TRPM4: variants seen among roughly 807,000 people sequenced by gnomAD.
TRPM4 encodes transient receptor potential cation channel subfamily M member 4, also known as calcium-activated non-selective cation channel 1.
In TRPM4, 124 loss-of-function variants were observed where a neutral mutation model predicts 135.6. That is an observed-to-expected ratio of 0.91 (90% confidence interval 0.79 to 1.06). The LOEUF is 1.06. Ranked by LOEUF, TRPM4 falls within the 50% of genes least tolerant of loss-of-function variation. The pLI, the probability that TRPM4 is intolerant of heterozygous loss-of-function variation, is 0.00. For synonymous variants in TRPM4, 745 were observed against 705.6 expected (o/e 1.06, Z -0.88); for missense variants, 1,658 against 1,671.4 (o/e 0.99, Z 0.14).
At chr19:49,174,631 G>A (rs923360418) in intron 9 of TRPM4, among the ~76,000 whole-genome samples, 4 of 151,576 alleles carry the variant, frequency 2.6e-5, no homozygotes, top group African/African-American at 7.3e-5. Flanking sequence ...GGAGGGTGGC[G>A]CATACCTGTA....
intron 2 of TRPM4, among the ~76,000 whole-genome samples, chr19:49,162,160 C>G (rs1167193603): frequency 6.6e-6 from 1 of 152,132 alleles, no homozygotes; most frequent in East Asian, 1.9e-4. Flanking sequence ...CAGCTGTAGC[C>G]AGGGCCACTT....
chr19:49,205,824 C>T (rs2071822257), intron 20 of TRPM4, among the ~76,000 whole-genome samples: 1 of 152,018 alleles, frequency 6.6e-6, no homozygotes, highest in Non-Finnish European at 1.5e-5. Flanking sequence ...CCGTGAGCCA[C>T]TGGACCCGGC....
chr19:49,205,022 A>T, intron 20 of TRPM4, among the ~76,000 whole-genome samples: 1 of 116,410 alleles, frequency 8.6e-6, no homozygotes, highest in Admixed American at 1.1e-4. Flanking sequence ...GGGTCTTACT[A>T]TATTGCCCAG....
At chr19:49,174,144 T>TTG (rs148469205) in intron 9 of TRPM4, among the ~76,000 whole-genome samples, 8,836 of 149,674 alleles carry the variant, frequency 0.059, 614 homozygotes, top group African/African-American at 0.17. Flanking sequence ...CAAGGAAAAG[T>TTG]TGTGTGTGTG....
chr19:49,192,690 G>A (rs1418955329), intron 16 of TRPM4, among the ~76,000 whole-genome samples: 1 of 152,084 alleles, frequency 6.6e-6, no homozygotes, highest in Non-Finnish European at 1.5e-5. Context: ...ACAGAGGGTA[G>A]GGCGAGGGAG....
chr19:49,168,465 C>T, intron 5 of TRPM4, 42 bp downstream of exon 5: 1 of 1,613,754 alleles, frequency 6.2e-7, no homozygotes, highest in Non-Finnish European at 8.5e-7. Flanking sequence ...GAGGCCTGGA[C>T]TCCTGGGTCT....
At chr19:49,209,272 G>A (rs1969262698) in intron 20 of TRPM4, among the ~76,000 whole-genome samples, 1 of 152,142 alleles carries the variant, frequency 6.6e-6, no homozygotes, top group African/African-American at 2.4e-5. Flanking sequence ...GGTAATGCTG[G>A]CCTCATAGAA....
rs1013464268 is a variant in TRPM4 at position 49,183,183 on chromosome 19, G to A, written c.1714G>A (p.Ala572Thr). 1.9e-6 allele frequency: 3 copies of A among 1,614,154 alleles called. No individual in the cohort carries two copies. Among genetic ancestry groups the A allele is most frequent in the South Asian group, 2.2e-5 (2 of 91,082 alleles). The change falls in exon 12 of 25, where the codon GCA becomes ACA. Residue 572 changes from alanine (A) to threonine (T), a missense_variant. Transcript: ENST00000252826. ...TCTTTGGGCACTGTTGCTGAACAGG[G>A]CACAGATGGCCATGTACTTCTGGGA... ...LLLWALLLNRAQMAMYFWEMG... is the reference protein window; with the variant it reads ...LLLWALLLNRTQMAMYFWEMG...
intron 2 of TRPM4, among the ~76,000 whole-genome samples, chr19:49,164,384 T>TG (rs1967093844): frequency 8.7e-6 from 1 of 114,604 alleles, no homozygotes; most frequent in East Asian, 2.5e-4. Flanking sequence ...TTTTTTTTTT[T>TG]TTTTTTTTTT....
chr19:49,166,767 GGTCTCT>G (rs1967201845), intron 3 of TRPM4, among the ~76,000 whole-genome samples: 1 of 144,032 alleles, frequency 6.9e-6, no homozygotes, highest in South Asian at 2.2e-4. Flanking sequence ...TGTCTCTCTG[GGTCTCT>G]GTCTCTGTCT....
intron 20 of TRPM4, among the ~76,000 whole-genome samples, chr19:49,208,330 C>T (rs1969225745): frequency 6.6e-6 from 1 of 151,884 alleles, no homozygotes; most frequent in Admixed American, 6.6e-5. Context: ...CTAAACTCCC[C>T]CGGGGAAAGG....
At chr19:49,160,385 G>A (rs1966915455) in intron 2 of TRPM4, among the ~76,000 whole-genome samples, 1 of 151,482 alleles carries the variant, frequency 6.6e-6, no homozygotes, top group Non-Finnish European at 1.5e-5. Flanking sequence ...AGCTACTCAG[G>A]AGGCAGGAGA....
chr19:49,159,722 A>G (rs1043749448), intron 2 of TRPM4: 2 of 151,930 alleles, frequency 1.3e-5, no homozygotes, highest in African/African-American at 4.8e-5. Context: ...ATCTCAGGCA[A>G]TGCACCTGCC....
chr19:49,168,075 G>A lies in TRPM4; in HGVS notation c.426G>A (p.Leu142=). The change falls in exon 4 of 25, where the codon CTG becomes CTA. Residue 142 remains leucine, a synonymous_variant. Coordinates refer to ENST00000252826, the MANE Select transcript of TRPM4 (RefSeq NM_017636.4). ...TWLQDLLRRG[L]VRAAQSTGAW... The stretch of plus-strand genomic sequence containing the variant: ...TGCAGGACCTGCTGCGTCGTGGGCT[G>A]GTGCGGGCTGCCCAGAGCACAGGTG... The A allele has an allele frequency of 6.2e-7, 1 of 1,607,822 alleles. No individual in the cohort carries two copies. Among genetic ancestry groups the A allele is most frequent in the Non-Finnish European group, 8.5e-7 (1 of 1,179,196 alleles).
intron 20 of TRPM4, 28 bp downstream of exon 20, chr19:49,202,169 C>T: frequency 6.2e-7 from 1 of 1,613,016 alleles, no homozygotes; most frequent in Non-Finnish European, 8.5e-7. Flanking sequence ...TCTGATCTGA[C>T]CCCACCCAGC....
chr19:49,170,793 C>T (rs1967424129), intron 6 of TRPM4, among the ~76,000 whole-genome samples: 1 of 152,248 alleles, frequency 6.6e-6, no homozygotes, highest in Middle Eastern at 3.4e-3. Flanking sequence ...AAAGACATGA[C>T]AATTCTGGCC....
rs752188238 is a variant in TRPM4, at chr19:49,202,881, C to CTTTTTTT, written c.3131+755_3131+761dup. ...TATATAAAATTTTCCATTTTTACTT[C>CTTTTTTT]TTTTTTTTTTTTTTTTTTTTTGACG... On this transcript the variant is annotated intron_variant, in intron 20 of 24. Transcript: ENST00000252826. 7.3e-5 allele frequency among the ~76,000 whole-genome samples: 8 copies of CTTTTTTT among 109,618 alleles called. No individual in the cohort carries two copies. In the East Asian group the frequency reaches 1.0e-3, roughly 14 times the overall value. The allele number at this position is 109,618 out of a possible 152,430, so 71.9% of individuals were successfully genotyped here.
intron 20 of TRPM4, among the ~76,000 whole-genome samples, chr19:49,202,881 CTTT>C (rs752188238): frequency 4.6e-5 from 5 of 109,642 alleles, no homozygotes; most frequent in East Asian, 2.6e-4. Flanking sequence ...ATTTTTACTT[CTTT>C]TTTTTTTTTT....
rs150769082 is a variant in TRPM4 at position 49,159,517 on chromosome 19, C to T, written c.92+1258C>T. 813 of 152,168 alleles carry T rather than the reference C, an allele frequency of 5.3e-3. 8 individuals carry two copies. Among genetic ancestry groups the T allele is most frequent in the Middle Eastern group, 0.027 (8 of 292 alleles). 9.4% of individuals were successfully genotyped at this position (152,168 alleles called of 1,614,324 possible). On this transcript the variant is annotated intron_variant, in intron 2 of 24. Transcript: ENST00000252826. ...TGTTTTTTTGAGACAGAGTCTGGCT[C>T]TGTCGCCCAGGCTGGAGTGCAGTGT... is the stretch of plus-strand genomic sequence containing the variant.
Sources: gnomAD v4.1 joint callset for allele counts (sites outside exome capture counted in the v4.1 genomes callset) on GRCh38, gnomAD v4.1.1 for gene constraint, MANE v1.5 for transcripts, NCBI Gene and HGNC (gene_info 2026-07-23, HGNC 2026-07-21) for gene names.